ADORA2B: variants seen among roughly 807,000 people sequenced by gnomAD.
The protein encoded by ADORA2B is adenosine receptor A2b.
In ADORA2B, 18 loss-of-function variants were observed where a neutral mutation model predicts 20.8. The observed-to-expected ratio is 0.87, with a 90% CI of 0.60 to 1.29. ADORA2B has a LOEUF of 1.29. Among genes scored for constraint, ADORA2B ranks in the 50% most tolerant of loss-of-function variants. The pLI is 0.00. For missense variants in ADORA2B, 441 were observed against 422.7 expected (o/e 1.04, Z -0.38); for synonymous variants, 179 against 178.3 (o/e 1.00, Z -0.03).
chr17:15,937,815 C>A, the ADORA2B span, among the ~76,000 whole-genome samples: 1 of 152,156 alleles, frequency 6.6e-6, no homozygotes, highest in Admixed American at 6.5e-5. Context: ...TCAGGTGATC[C>A]ACTCACCTCG....
chr17:15,934,288 G>A, the ADORA2B span, among the ~76,000 whole-genome samples: 2 of 152,006 alleles, frequency 1.3e-5, no homozygotes, highest in Non-Finnish European at 2.9e-5. Flanking sequence ...CAGTTCAGTG[G>A]CACAATCTCA....
the ADORA2B span, among the ~76,000 whole-genome samples, chr17:15,871,237 C>T: frequency 2.0e-5 from 3 of 152,094 alleles, no homozygotes; most frequent in East Asian, 1.9e-4. Context: ...TCAGATTGTT[C>T]GCACAGCAGA....
At chr17:15,898,964 T>G in the ADORA2B span, among the ~76,000 whole-genome samples, 2 of 152,136 alleles carry the variant, frequency 1.3e-5, no homozygotes, top group African/African-American at 4.8e-5. Context: ...GCACAGTAGC[T>G]CACGCCCATA....
At chr17:15,883,259 C>T in the ADORA2B span, among the ~76,000 whole-genome samples, 102,655 of 152,162 alleles carry the variant, frequency 0.67, 35,633 homozygotes, top group African/African-American at 0.85. Context: ...TCCAAAAATA[C>T]AGAAGTGCTG....
the ADORA2B span, among the ~76,000 whole-genome samples, chr17:15,893,686 C>T: frequency 6.6e-6 from 1 of 152,228 alleles, no homozygotes; most frequent in Non-Finnish European, 1.5e-5. Context: ...CTGTATATTA[C>T]ATGACATTTG....
upstream of ADORA2B, chr17:15,944,916 G>A (rs1194632171): frequency 5.3e-6 from 1 of 187,784 alleles, no homozygotes; most frequent in Non-Finnish European, 1.1e-5. The surrounding 1 kb of genome is among the most constrained non-coding windows in gnomAD (Gnocchi z 4.8). Context: ...ACGGGAAGTT[G>A]GGGCAATTTG....
At chr17:15,911,011 G>T in the ADORA2B span, among the ~76,000 whole-genome samples, 1 of 152,214 alleles carries the variant, frequency 6.6e-6, no homozygotes, top group Admixed American at 6.5e-5. Flanking sequence ...GACCAGAGAT[G>T]CAGTCTACAT....
Position 15,975,406 on chromosome 17 carries a change from G to A in ADORA2B, c.*64G>A. 6.6e-7 allele frequency: 1 copy of A among 1,521,108 alleles called. No individual in the cohort carries two copies. Among genetic ancestry groups the A allele is most frequent in the Non-Finnish European group, 8.9e-7 (1 of 1,128,952 alleles). 94.2% of individuals were successfully genotyped at this position (1,521,108 alleles called of 1,614,324 possible). ...ACAAGAAACAAAGAGGACACGGCTGGTTTTCATTGTGAAAGATAGCTACAC... is the reference window on the plus strand; with the variant it reads ...ACAAGAAACAAAGAGGACACGGCTGATTTTCATTGTGAAAGATAGCTACAC... On this transcript the variant is annotated 3_prime_UTR_variant, in exon 2 of 2. Coordinates refer to ENST00000304222, the MANE Select transcript of ADORA2B (RefSeq NM_000676.4).
the ADORA2B span, among the ~76,000 whole-genome samples, chr17:15,925,302 C>T: frequency 6.6e-6 from 1 of 152,112 alleles, no homozygotes; most frequent in African/African-American, 2.4e-5. Context: ...TCCCAGAGTG[C>T]TGGAATTACA....
the ADORA2B span, among the ~76,000 whole-genome samples, chr17:15,929,957 A>G: frequency 1.3e-5 from 2 of 152,230 alleles, no homozygotes; most frequent in African/African-American, 4.8e-5. Flanking sequence ...ATGGCTGCAC[A>G]ATAATGTGAA....
At chr17:15,967,409 T>G (rs1219699193) in intron 1 of ADORA2B, among the ~76,000 whole-genome samples, 2 of 152,170 alleles carry the variant, frequency 1.3e-5, no homozygotes, top group Non-Finnish European at 2.9e-5. Flanking sequence ...ATTTTTGTAT[T>G]TTTAGTGGAG....
the ADORA2B span, among the ~76,000 whole-genome samples, chr17:15,929,691 G>A: frequency 6.6e-6 from 1 of 152,202 alleles, no homozygotes; most frequent in Non-Finnish European, 1.5e-5. Flanking sequence ...ACTTTAAAAA[G>A]GAAAGAAATT....
Position 15,975,604 on chromosome 17 carries a change from C to G in ADORA2B, c.*262C>G. 1 of 444,500 alleles carries G rather than the reference C, an allele frequency of 2.2e-6. No individual in the cohort carries two copies. Among genetic ancestry groups the G allele is most frequent in the Non-Finnish European group, 4.0e-6 (1 of 250,712 alleles). 27.5% of individuals were successfully genotyped at this position (444,500 alleles called of 1,614,324 possible). On this transcript the variant is annotated 3_prime_UTR_variant, in exon 2 of 2. Transcript: ENST00000304222. ...CAGCTTGAATGGATTCTAACAGACT[C>G]TTTTGTTTTTAAAAGTCTGCCTTGT... is the stretch of plus-strand genomic sequence containing the variant.
At chr17:15,873,602 A>G in the ADORA2B span, among the ~76,000 whole-genome samples, 3 of 152,232 alleles carry the variant, frequency 2.0e-5, no homozygotes, top group African/African-American at 7.2e-5. Context: ...GACATTTCTC[A>G]AAAGAAGATA....
At chr17:15,937,475 A>G in the ADORA2B span, among the ~76,000 whole-genome samples, 32 of 152,300 alleles carry the variant, frequency 2.1e-4, no homozygotes, top group Non-Finnish European at 4.3e-4. Context: ...AAGTCAGCCA[A>G]AGGTGACAGA....
intron 1 of ADORA2B, among the ~76,000 whole-genome samples, chr17:15,967,231 CTTTT>C (rs570632774): frequency 7.2e-6 from 1 of 139,298 alleles, no homozygotes; most frequent in Non-Finnish European, 1.6e-5. Context: ...ACCTGCTTGC[CTTTT>C]TTTTTTTTTT....
the ADORA2B span, among the ~76,000 whole-genome samples, chr17:15,884,601 T>C: frequency 6.6e-6 from 1 of 152,138 alleles, no homozygotes; most frequent in African/African-American, 2.4e-5. Flanking sequence ...CCCCAGTATG[T>C]GTTGTTCCCG....
chr17:15,902,275 G>A, the ADORA2B span, among the ~76,000 whole-genome samples: 3 of 151,424 alleles, frequency 2.0e-5, no homozygotes, highest in East Asian at 1.9e-4. Context: ...GCAGTGGCAC[G>A]ATCTTGGCTC....
chr17:15,868,134 G>A, the ADORA2B span, among the ~76,000 whole-genome samples: 553 of 141,818 alleles, frequency 3.9e-3, 5 homozygotes, highest in Non-Finnish European at 6.0e-3. Flanking sequence ...GATTAAGGGC[G>A]GTGCAAGATG....
Sources: allele counts gnomAD v4.1 joint callset (sites outside exome capture counted in the v4.1 genomes callset), GRCh38; gene constraint gnomAD v4.1.1; non-coding constraint Gnocchi (gnomAD v3.1); transcripts MANE v1.5; gene names NCBI Gene and HGNC (gene_info 2026-07-23, HGNC 2026-07-21).